The following THRB variants were observed in gnomAD, a reference collection of about 807,000 sequenced individuals.
The protein encoded by THRB is thyroid hormone receptor beta, also known as nuclear receptor subfamily 1 group A member 2.
THRB carries 12 observed loss-of-function variants against 47.8 expected under a neutral mutation model. The ratio of observed to expected loss-of-function variants is 0.25; its 90% CI spans 0.16 to 0.41. The LOEUF is 0.41. Ranked by LOEUF, THRB falls within the 10% of genes least tolerant of loss-of-function variation. THRB has a pLI of 1.00. For missense variants in THRB, 348 were observed against 589.2 expected (o/e 0.59, Z 4.24); for synonymous variants, 218 against 212.2 (o/e 1.03, Z -0.24).
chr3:24,230,101 A>C (rs2048100465), intron 3 of THRB, among the ~76,000 whole-genome samples: 1 of 152,220 alleles, frequency 6.6e-6, no homozygotes, highest in Non-Finnish European at 1.5e-5. Flanking sequence ...AACTGGTTGG[A>C]GAAGAAAAAG....
intron 9 of THRB, among the ~76,000 whole-genome samples, chr3:24,128,418 C>T (rs1263989803): frequency 6.6e-6 from 1 of 152,198 alleles, no homozygotes; most frequent in Non-Finnish European, 1.5e-5. Flanking sequence ...TTACTCAACA[C>T]ACTGGGTCTT....
intron 3 of THRB, among the ~76,000 whole-genome samples, chr3:24,270,176 T>C (rs897026206): frequency 6.6e-6 from 1 of 152,258 alleles, no homozygotes; most frequent in African/African-American, 2.4e-5. Flanking sequence ...TCTTTCTTTT[T>C]AATAATTGGT....
At chr3:24,441,490 A>G (rs1291440354) in intron 1 of THRB, among the ~76,000 whole-genome samples, 2 of 152,254 alleles carry the variant, frequency 1.3e-5, no homozygotes, top group Admixed American at 1.3e-4. Context: ...ATGGAGGCAC[A>G]TTAACAGATG....
At chr3:24,374,048 G>A (rs2065106136) in intron 1 of THRB, among the ~76,000 whole-genome samples, 1 of 151,884 alleles carries the variant, frequency 6.6e-6, no homozygotes, top group East Asian at 1.9e-4. Flanking sequence ...TTCACGAATC[G>A]TCCATTGCTG....
intron 1 of THRB, among the ~76,000 whole-genome samples, chr3:24,416,841 G>A (rs2068773818): frequency 6.6e-6 from 1 of 151,718 alleles, no homozygotes; most frequent in Non-Finnish European, 1.5e-5. Flanking sequence ...ACTGTAAAAA[G>A]CTCCCCAGTT....
chr3:24,247,331 T>G (rs559413290), intron 3 of THRB, among the ~76,000 whole-genome samples: 1 of 152,352 alleles, frequency 6.6e-6, no homozygotes, highest in South Asian at 2.1e-4. Flanking sequence ...GTGCTTGCTA[T>G]GTTCTAAAGG....
rs112133686 is a variant in THRB at position 24,201,443 on chromosome 3, G to A, written c.23-11109C>T. Among the ~76,000 whole-genome samples the A allele has an allele frequency of 5.7e-3, 863 of 152,242 alleles. 3 individuals carry two copies. The highest frequency in any genetic ancestry group is 0.019 in the African/African-American group (784 of 41,542). ...TCCTGGGAATTTGTTAGAAATGTGG[G>A]ATTTCTGCCTCCAGAACAGGTGAAT... On this transcript the variant is annotated intron_variant, in intron 4 of 10. Transcript: ENST00000646209.
In THRB at chr3:24,201,914, G is replaced by A. The variant is rs561868219; in HGVS notation, c.23-11580C>T. 6.6e-5 allele frequency among the ~76,000 whole-genome samples: 10 copies of A among 152,108 alleles called. No homozygotes were observed. The East Asian group carries it at 1.9e-3, about 29-fold the overall frequency. Reference sequence around the variant, plus strand: ...TTTATTTATGCTTACTATATGTTAGGCACTCATTTTGATCAGTTTTCATTT... The same window carrying A: ...TTTATTTATGCTTACTATATGTTAGACACTCATTTTGATCAGTTTTCATTT... On this transcript the variant is annotated intron_variant, in intron 4 of 10. Transcript: ENST00000646209.
intron 10 of THRB, among the ~76,000 whole-genome samples, chr3:24,127,020 T>G (rs1160960720): frequency 1.3e-5 from 2 of 152,232 alleles, no homozygotes; most frequent in African/African-American, 4.8e-5. Context: ...CCATCTTGGA[T>G]GTTTAAGCCA....
chr3:24,449,711 A>C (rs73825645), intron 1 of THRB, among the ~76,000 whole-genome samples: 9,618 of 152,222 alleles, frequency 0.063, 975 homozygotes, highest in African/African-American at 0.21. Flanking sequence ...TTTTCCCTAA[A>C]TACTATATAT....
chr3:24,225,173 T>C (rs911435555), intron 4 of THRB, among the ~76,000 whole-genome samples: 2 of 152,122 alleles, frequency 1.3e-5, no homozygotes, highest in African/African-American at 4.8e-5. Context: ...AAAACCTGGG[T>C]TGTTCTCAGT....
At chr3:24,296,311 T>C (rs2056442378) in intron 3 of THRB, among the ~76,000 whole-genome samples, 1 of 152,236 alleles carries the variant, frequency 6.6e-6, no homozygotes, top group African/African-American at 2.4e-5. Flanking sequence ...CTGACATTTA[T>C]TGAGTCAAAA....
At chr3:24,276,972 TTAAAA>T (rs1419975188) in intron 3 of THRB, among the ~76,000 whole-genome samples, 1 of 152,260 alleles carries the variant, frequency 6.6e-6, no homozygotes, top group African/African-American at 2.4e-5. Flanking sequence ...AAAAAACTAC[TTAAAA>T]TATTTAAGTT....
chr3:24,462,707 CT>C (rs2073809702), intron 1 of THRB, among the ~76,000 whole-genome samples: 1 of 152,180 alleles, frequency 6.6e-6, no homozygotes, highest in Non-Finnish European at 1.5e-5. Flanking sequence ...AAAATTCTTC[CT>C]TTGTTCCTGC....
chr3:24,376,840 A>G (rs149276997), intron 1 of THRB, among the ~76,000 whole-genome samples: 1 of 152,320 alleles, frequency 6.6e-6, no homozygotes, highest in East Asian at 1.9e-4. Context: ...TTGTTACACT[A>G]CAGTGTCCAC....
intron 3 of THRB, among the ~76,000 whole-genome samples, chr3:24,245,859 G>T (rs538887073): frequency 2.2e-4 from 34 of 152,328 alleles, no homozygotes; most frequent in South Asian, 8.3e-4. Flanking sequence ...GTTGCAGTGA[G>T]CTGAGATAGT....
intron 2 of THRB, among the ~76,000 whole-genome samples, chr3:24,303,983 A>G (rs142775321): frequency 5.6e-4 from 86 of 152,266 alleles, no homozygotes; most frequent in African/African-American, 2.0e-3. Context: ...TGGCTTTGGA[A>G]TGTACTTGGT....
chr3:24,351,746 G>T (rs1339526012), intron 1 of THRB, among the ~76,000 whole-genome samples: 1 of 152,154 alleles, frequency 6.6e-6, no homozygotes, highest in African/African-American at 2.4e-5. Context: ...CTGGGAATGA[G>T]AAGCTTAACA....
chr3:24,275,616 A>C (rs1013603930), intron 3 of THRB, among the ~76,000 whole-genome samples: 18 of 152,210 alleles, frequency 1.2e-4, no homozygotes, highest in African/African-American at 3.9e-4. Flanking sequence ...GTTTCTTGTT[A>C]GATTCCAACA....
Sources: gnomAD v4.1 joint callset for allele counts (sites outside exome capture counted in the v4.1 genomes callset) on GRCh38, gnomAD v4.1.1 for gene constraint, MANE v1.5 for transcripts, NCBI Gene and HGNC (gene_info 2026-07-23, HGNC 2026-07-21) for gene names.